The following ZNF217 variants were observed in gnomAD, a reference collection of about 807,000 sequenced individuals.
ZNF217 encodes the protein zinc finger protein 217.
A neutral mutation model predicts 73.3 loss-of-function variants in ZNF217; 12 were observed. The observed-to-expected ratio is 0.16, with a 90% confidence interval of 0.10 to 0.27. The LOEUF (loss-of-function observed/expected upper bound fraction) is 0.27, where lower values mean the gene tolerates loss of function less well. ZNF217 is among the 10% of genes least tolerant of loss of function. The pLI, the probability that ZNF217 is intolerant of heterozygous loss-of-function variation, is 1.00. For missense variants in ZNF217, 1,195 were observed against 1,327.8 expected (o/e 0.90, Z 1.55); for synonymous variants, 588 against 516.4 (o/e 1.14, Z -1.88).
chr20:53,577,818 G>A (rs888228304), intron 3 of ZNF217, among the ~76,000 whole-genome samples: 9 of 152,168 alleles, frequency 5.9e-5, no homozygotes, highest in Admixed American at 1.3e-4. Flanking sequence ...AACTTTGTCC[G>A]GGCGCGGTGG....
At chr20:53,579,905 C>T (rs554183581) in intron 2 of ZNF217, among the ~76,000 whole-genome samples, 2 of 152,310 alleles carry the variant, frequency 1.3e-5, no homozygotes, top group African/African-American at 4.8e-5. Flanking sequence ...GGGGTGCTCC[C>T]ACCCACAGCC....
chr20:53,570,681 C>CT (rs1305003948), intron 5 of ZNF217, among the ~76,000 whole-genome samples: 1 of 152,204 alleles, frequency 6.6e-6, no homozygotes, highest in Non-Finnish European at 1.5e-5. Flanking sequence ...ACAGTGAGAC[C>CT]TTTAACATGT....
chr20:53,595,989 TAA>T (rs1989034811), upstream of ZNF217, among the ~76,000 whole-genome samples: 3 of 152,270 alleles, frequency 2.0e-5, no homozygotes, highest in East Asian at 5.8e-4. Context: ...CACTGATAGT[TAA>T]AAATTCTAGT....
At position 53,577,189 on chromosome 20, in the gene ZNF217, T is replaced by C. The variant is rs567374371; in HGVS notation, c.1575A>G (p.Lys525=). 7.4e-6 allele frequency: 12 copies of C among 1,612,730 alleles called. No individual in the cohort carries two copies. The highest frequency in any genetic ancestry group is 3.3e-5 in the Admixed American group (2 of 60,028). Residue 525 remains lysine (K), a synonymous_variant, in exon 4 of 6, where the codon AAA becomes AAG. Coordinates refer to ENST00000371471, the MANE Select transcript of ZNF217 (RefSeq NM_006526.3). ...TGACTTCAGCAGCAACATCGGTTTGTTTTTCCTTGTGATGTCTCTCCAAGT... is the reference window on the plus strand; with the variant it reads ...TGACTTCAGCAGCAACATCGGTTTGCTTTTCCTTGTGATGTCTCTCCAAGT... ...RYHLERHHKE[K]QTDVAAEVKN... is the part of the protein sequence containing the mutation.
chr20:53,588,323 T>C (rs898597029), intron 1 of ZNF217, among the ~76,000 whole-genome samples: 17 of 152,092 alleles, frequency 1.1e-4, no homozygotes, highest in Admixed American at 4.6e-4. Context: ...AAGTGGTTTT[T>C]AAAAACATCC....
intron 5 of ZNF217, among the ~76,000 whole-genome samples, chr20:53,570,927 G>GCA (rs1987970414): frequency 6.6e-6 from 1 of 152,200 alleles, no homozygotes; most frequent in Non-Finnish European, 1.5e-5. Flanking sequence ...TGAAAAGCAT[G>GCA]CACAGTACCT....
Position 53,577,213 on chromosome 20 carries a change from G to A in ZNF217, c.1551C>T (p.His517=), listed in dbSNP as rs750069649. 2 of 1,609,584 alleles carry A rather than the reference G, an allele frequency of 1.2e-6. No homozygotes were observed. Among genetic ancestry groups the A allele is most frequent in the South Asian group, 1.1e-5 (1 of 91,084 alleles). ...GTTTTTCCTTGTGATGTCTCTCCAA[G>A]TGATACCTCAGAGATGTCTTCTGGG... ...AAAQKTSLRY[H]LERHHKEKQT... Residue 517 remains histidine (H), a synonymous_variant, in exon 4 of 6, where the codon CAC becomes CAT. Transcript: ENST00000371471.
At position 53,581,742 on chromosome 20, in the gene ZNF217, T is replaced by C. The variant is rs556364121; in HGVS notation, c.1085A>G (p.Asp362Gly). 2 of 1,614,248 alleles carry C rather than the reference T, an allele frequency of 1.2e-6. No individual in the cohort carries two copies. Among genetic ancestry groups the C allele is most frequent in the Admixed American group, 3.3e-5 (2 of 60,034 alleles). Residue 362 changes from aspartate (D) to glycine (G), a missense_variant, in exon 2 of 6, where the codon GAC becomes GGC. Coordinates refer to ENST00000371471, the MANE Select transcript of ZNF217 (RefSeq NM_006526.3). The surrounding 1 kb of genome is among the most constrained non-coding windows in gnomAD (Gnocchi z 4.9). ...KHSHGEAPSV[D>G]ADPKLPSSKE... ...GCTACTGGGTAACTTGGGATCCGCGTCCACGGAGGGCGCTTCGCCGTGGGA... is the reference window on the plus strand; with the variant it reads ...GCTACTGGGTAACTTGGGATCCGCGCCCACGGAGGGCGCTTCGCCGTGGGA...
In ZNF217 at chr20:53,567,917, G is replaced by C. The variant is rs1338699397; in HGVS notation, c.*1371C>G. 1 of 152,446 alleles carries C rather than the reference G, an allele frequency of 6.6e-6. No homozygotes were observed. The highest frequency in any genetic ancestry group is 1.5e-5 in the Non-Finnish European group (1 of 67,994). The allele number at this position is 152,446 out of a possible 1,614,324, so 9.4% of individuals were successfully genotyped here. Reference sequence around the variant, plus strand: ...AAATGAACAGTGCAAATTTATTTTTGAAACAGTTTCTTAATAAAATATTTT... The same window carrying C: ...AAATGAACAGTGCAAATTTATTTTTCAAACAGTTTCTTAATAAAATATTTT... On this transcript the variant is annotated 3_prime_UTR_variant, in exon 6 of 6. Transcript: ENST00000371471.
At chr20:53,580,668 A>C (rs1453193768) in intron 2 of ZNF217, among the ~76,000 whole-genome samples, 1 of 152,206 alleles carries the variant, frequency 6.6e-6, no homozygotes, top group Non-Finnish European at 1.5e-5. Context: ...AATTCTGCTG[A>C]GCAAATGAGC....
chr20:53,596,903 C>G (rs1480214613), upstream of ZNF217, among the ~76,000 whole-genome samples: 1 of 151,964 alleles, frequency 6.6e-6, no homozygotes, highest in Non-Finnish European at 1.5e-5. Context: ...TCAGCTACAC[C>G]TCATTTTTCA....
chr20:53,573,179 A>G (rs1400943369), intron 4 of ZNF217, among the ~76,000 whole-genome samples: 2 of 151,038 alleles, frequency 1.3e-5, no homozygotes, highest in Non-Finnish European at 2.9e-5. Flanking sequence ...CTGGAGTGCA[A>G]TGGCACAATC....
intron 1 of ZNF217, among the ~76,000 whole-genome samples, chr20:53,586,025 A>ACC (rs540192849): frequency 5.9e-5 from 9 of 151,318 alleles, no homozygotes; most frequent in Non-Finnish European, 1.0e-4. Flanking sequence ...AGCACACCCT[A>ACC]CCCCCCCAAA....
upstream of ZNF217, among the ~76,000 whole-genome samples, chr20:53,594,529 G>C (rs1989004259): frequency 6.6e-6 from 1 of 151,460 alleles, no homozygotes; most frequent in Non-Finnish European, 1.5e-5. Flanking sequence ...GCGCACGCGC[G>C]CGCCGTGCCA....
chr20:53,584,079 T>C (rs919391558), intron 1 of ZNF217, among the ~76,000 whole-genome samples: 2 of 152,200 alleles, frequency 1.3e-5, no homozygotes, highest in African/African-American at 4.8e-5. Context: ...AGGTGGAAAA[T>C]TACTTTATTT....
chr20:53,569,324 T>C, intron 5 of ZNF217, 60 bp from the exon 6 acceptor site: 3 of 1,183,890 alleles, frequency 2.5e-6, no homozygotes, highest in Non-Finnish European at 2.2e-6. Flanking sequence ...TTTAGAAAAT[T>C]CTTTCTTTAA....
chr20:53,589,150 C>T (rs369238330), intron 1 of ZNF217, among the ~76,000 whole-genome samples: 50 of 152,234 alleles, frequency 3.3e-4, no homozygotes, highest in African/African-American at 1.2e-3. Context: ...AATACAGAAA[C>T]ACTACACGAG....
At chr20:53,572,467 T>C (rs551277768) in intron 4 of ZNF217, among the ~76,000 whole-genome samples, 31 of 152,086 alleles carry the variant, frequency 2.0e-4, no homozygotes, top group African/African-American at 7.2e-4. Flanking sequence ...CAGAGCCTTT[T>C]CCCCCTTTAA....
chr20:53,576,090 A>G lies in ZNF217; in HGVS notation c.2674T>C (p.Trp892Arg), dbSNP rs1219277361. The change falls in exon 4 of 6, where the codon TGG becomes CGG. Residue 892 changes from tryptophan (W) to arginine (R), a missense_variant. Physicochemically the swap from Trp to Arg is moderately radical, Grantham distance 101. Coordinates refer to ENST00000371471, the MANE Select transcript of ZNF217 (RefSeq NM_006526.3). ...IDYPAKNDSP[W>R]APPGRDYFCN... is the part of the protein sequence containing the mutation. ...AAATAGTCTCTTCCCGGAGGTGCCC[A>G]CGGGCTGTCGTTCTTGGCGGGGTAG... 1.7e-5 allele frequency: 28 copies of G among 1,614,222 alleles called. No homozygotes were observed. The highest frequency in any genetic ancestry group is 2.4e-5 in the Non-Finnish European group (28 of 1,180,042).
Sources: gnomAD v4.1 joint callset for allele counts (sites outside exome capture counted in the v4.1 genomes callset) on GRCh38, gnomAD v4.1.1 for gene constraint, Gnocchi (gnomAD v3.1) non-coding constraint, MANE v1.5 for transcripts, NCBI Gene and HGNC (gene_info 2026-07-23, HGNC 2026-07-21) for gene names.